The following EIF3J variants were observed in gnomAD, a reference collection of about 807,000 sequenced individuals.
EIF3J encodes eukaryotic translation initiation factor 3 subunit J, also known as eukaryotic translation initiation factor 3, subunit 1 (alpha, 35kD).
A neutral mutation model predicts 39.0 loss-of-function variants in EIF3J; 15 were observed. The ratio of observed to expected loss-of-function variants is 0.38; its 90% CI spans 0.26 to 0.59. The LOEUF is 0.59. EIF3J is among the 20% of genes least tolerant of loss of function. The pLI is 0.60. For missense variants in EIF3J, 226 were observed against 308.6 expected (o/e 0.73, Z 2.00); for synonymous variants, 98 against 112.9 (o/e 0.87, Z 0.84).
At chr15:44,554,502 C>T (rs1165777800) in intron 4 of EIF3J, 51 bp from the exon 5 acceptor site, 1 of 1,060,948 alleles carries the variant, frequency 9.4e-7, no homozygotes, top group African/African-American at 1.6e-5. Context: ...CAGAAAGGTA[C>T]TGAGTGCATC....
intron 2 of EIF3J, among the ~76,000 whole-genome samples, chr15:44,538,779 A>C (rs1415273532): frequency 2.0e-5 from 3 of 152,246 alleles, no homozygotes; most frequent in Non-Finnish European, 2.9e-5. Flanking sequence ...ACATTGTAGC[A>C]GATTTTCAGT....
At chr15:44,550,513 A>G (rs2082090330) in intron 2 of EIF3J, among the ~76,000 whole-genome samples, 1 of 151,498 alleles carries the variant, frequency 6.6e-6, no homozygotes, top group Non-Finnish European at 1.5e-5. Context: ...AGGTTTTTAT[A>G]CACAAATAAT....
chr15:44,547,065 C>T (rs1344050554), intron 2 of EIF3J, among the ~76,000 whole-genome samples: 1 of 151,980 alleles, frequency 6.6e-6, no homozygotes, highest in South Asian at 2.1e-4. Context: ...CTCAAGTGAT[C>T]TGCCTGCCTC....
chr15:44,557,830 TTTTG>T (rs1253681849), intron 6 of EIF3J, 180 bp downstream of exon 6: 2 of 397,416 alleles, frequency 5.0e-6, no homozygotes, highest in Non-Finnish European at 8.5e-6. Context: ...TGCTGGATCT[TTTTG>T]TTTGTTTGTA....
Position 44,561,138 on chromosome 15 carries a change from G to C in EIF3J, c.766G>C (p.Asp256His). The change falls in exon 8 of 8, where the codon GAC becomes CAC. Residue 256 changes from aspartate to histidine, a missense_variant. Asp to His is a moderately conservative substitution (Grantham distance 81, BLOSUM62 -1). This residue lies in a region of EIF3J where 83 missense variants were observed against 152.6 expected (regional missense o/e 0.54). Coordinates refer to ENST00000261868, the MANE Select transcript of EIF3J (RefSeq NM_003758.4). Reference sequence around the variant, plus strand: ...TGGAGGATATGTACAAGACTATGAAGACTTCATGTGACATTTTATCTTTTC... The same window carrying C: ...TGGAGGATATGTACAAGACTATGAACACTTCATGTGACATTTTATCTTTTC... ...YDGGYVQDYE[D>H]FM The C allele has an allele frequency of 6.2e-7, 1 of 1,610,492 alleles. No individual in the cohort carries two copies. The highest frequency in any genetic ancestry group is 8.5e-7 in the Non-Finnish European group (1 of 1,179,124).
Position 44,554,663 on chromosome 15 carries a change from T to C in EIF3J, c.405T>C (p.Thr135=). 2 of 1,605,258 alleles carry C rather than the reference T, an allele frequency of 1.2e-6. No individual in the cohort carries two copies. Among genetic ancestry groups the C allele is most frequent in the Non-Finnish European group, 1.7e-6 (2 of 1,174,442 alleles). ...EESDLELAKE[T]FGVNNAVYGI... is the part of the protein sequence containing the mutation. ...CAGACCTCGAATTAGCAAAGGAAAC[T>C]TTTGGTAAGACGGGATTATGATTGC... is the stretch of plus-strand genomic sequence containing the variant. Residue 135 remains threonine (T), a synonymous_variant, in exon 5 of 8, where the codon ACT becomes ACC. Transcript: ENST00000261868.
At chr15:44,537,628 C>T (rs919420628) in intron 2 of EIF3J, among the ~76,000 whole-genome samples, 1 of 152,216 alleles carries the variant, frequency 6.6e-6, no homozygotes, top group South Asian at 2.1e-4. Flanking sequence ...ACTCCCTCGC[C>T]GGTTGAGAGT....
intron 2 of EIF3J, among the ~76,000 whole-genome samples, chr15:44,539,368 A>T (rs1256999583): frequency 6.6e-6 from 1 of 150,858 alleles, no homozygotes; most frequent in Non-Finnish European, 1.5e-5. Context: ...AGTTTTGGAT[A>T]TTTACAAGTT....
intron 4 of EIF3J, among the ~76,000 whole-genome samples, 167 bp from the exon 5 acceptor site, chr15:44,554,375 TAAAAAAAAAAA>T (rs59415615): frequency 1.6e-5 from 1 of 61,882 alleles, no homozygotes; most frequent in African/African-American, 6.2e-5. Context: ...AGGCTCTGTC[TAAAAAAAAAAA>T]AAAAAAAAAA....
At chr15:44,545,677 T>C (rs1485558107) in intron 2 of EIF3J, among the ~76,000 whole-genome samples, 1 of 152,238 alleles carries the variant, frequency 6.6e-6, no homozygotes, top group Non-Finnish European at 1.5e-5. Context: ...TTTAAACATT[T>C]ATCATTTCTT....
rs139296100 is a variant in EIF3J, at chr15:44,561,691, T to A, written c.*542T>A. On this transcript the variant is annotated 3_prime_UTR_variant, in exon 8 of 8. Transcript: ENST00000261868. ...AGATACTGCGGCTGAAAAGCACTAG[T>A]TTGATATAAAATTAAAATGACCAAA... 6.6e-6 allele frequency: 1 copy of A among 152,592 alleles called. No homozygotes were observed. Among genetic ancestry groups the A allele is most frequent in the East Asian group, 1.9e-4 (1 of 5,190 alleles). 9.5% of individuals were successfully genotyped at this position (152,592 alleles called of 1,614,324 possible).
intron 7 of EIF3J, 132 bp from the exon 8 acceptor site, chr15:44,560,886 C>T: frequency 7.2e-6 from 9 of 1,251,580 alleles, no homozygotes; most frequent in African/African-American, 1.5e-5. Context: ...AACATGTAGG[C>T]TCGGATGTCC....
chr15:44,553,394 A>G (rs759350977), intron 4 of EIF3J, among the ~76,000 whole-genome samples: 38 of 151,998 alleles, frequency 2.5e-4, no homozygotes, highest in Non-Finnish European at 4.4e-4. Flanking sequence ...TGGGAGGCTG[A>G]GGCAGGAGAA....
At chr15:44,557,689 T>C in intron 6 of EIF3J, 39 bp downstream of exon 6, 1 of 1,369,414 alleles carries the variant, frequency 7.3e-7, no homozygotes, top group Non-Finnish European at 9.6e-7. Context: ...GGGTAGATTT[T>C]TAGTAGGATG....
rs1051442486 is a variant in EIF3J, at chr15:44,562,191, A to ATAGT, written c.*1045_*1048dup. 4 of 152,642 alleles carry ATAGT rather than the reference A, an allele frequency of 2.6e-5. No homozygotes were observed. The highest frequency in any genetic ancestry group is 1.9e-4 in the East Asian group (1 of 5,206). 9.5% of individuals were successfully genotyped at this position (152,642 alleles called of 1,614,324 possible). A position where few individuals can be genotyped will look rare whatever the true frequency, so the allele number is the denominator to read the frequency against. ...TACTAAATCTTAATAAATGCTTGAC[A>ATAGT]TAGTTACAGCTTTAAAACATGAGTG... On this transcript the variant is annotated 3_prime_UTR_variant, in exon 8 of 8. Transcript: ENST00000261868.
In EIF3J at chr15:44,562,419, T is replaced by C. The variant is rs1416942783; in HGVS notation, c.*1270T>C. 2 of 152,654 alleles carry C rather than the reference T, an allele frequency of 1.3e-5. No individual in the cohort carries two copies. The highest frequency in any genetic ancestry group is 2.9e-5 in the Non-Finnish European group (2 of 68,038). 9.5% of individuals were successfully genotyped at this position (152,654 alleles called of 1,614,324 possible). A position where few individuals can be genotyped will look rare whatever the true frequency, so the allele number is the denominator to read the frequency against. On this transcript the variant is annotated 3_prime_UTR_variant, in exon 8 of 8. Coordinates refer to ENST00000261868, the MANE Select transcript of EIF3J (RefSeq NM_003758.4). ...TATAGATTGGGGAATCTTTATTATGTCTTCTCCTAAGCAGTTTAACCAAAT... is the reference window on the plus strand; with the variant it reads ...TATAGATTGGGGAATCTTTATTATGCCTTCTCCTAAGCAGTTTAACCAAAT...
Position 44,537,257 on chromosome 15 carries a change from G to T in EIF3J, c.43+20G>T, listed in dbSNP as rs2081965857. 2 of 1,578,820 alleles carry T rather than the reference G, an allele frequency of 1.3e-6. No individual in the cohort carries two copies. The highest frequency in any genetic ancestry group is 2.4e-5 in the East Asian group (1 of 42,414). ...CCTGGGGTGAGGAGAAGTTGCTGGGGCAGGGCCCGGGCCGGCGCCGGCCCC... is the reference window on the plus strand; with the variant it reads ...CCTGGGGTGAGGAGAAGTTGCTGGGTCAGGGCCCGGGCCGGCGCCGGCCCC... On this transcript the variant is annotated intron_variant, in intron 1 of 7. Transcript: ENST00000261868.
chr15:44,552,243 T>C (rs1228991445), intron 4 of EIF3J, among the ~76,000 whole-genome samples: 1 of 152,054 alleles, frequency 6.6e-6, no homozygotes, highest in Non-Finnish European at 1.5e-5. Flanking sequence ...AAATATATGC[T>C]TGTTTTTTTT....
chr15:44,551,035 A>G, intron 3 of EIF3J, 105 bp downstream of exon 3: 1 of 1,465,472 alleles, frequency 6.8e-7, no homozygotes, highest in East Asian at 2.4e-5. Flanking sequence ...ACATTTTGGT[A>G]TTTAGAAACC....
Sources: gnomAD v4.1 joint callset for allele counts (sites outside exome capture counted in the v4.1 genomes callset) on GRCh38, gnomAD v4.1.1 for gene constraint, gnomAD v4.1.1 regional missense constraint, MANE v1.5 for transcripts, NCBI Gene and HGNC (gene_info 2026-07-23, HGNC 2026-07-21) for gene names.